KCNMB2: variants seen among roughly 807,000 people sequenced by gnomAD.
The protein encoded by KCNMB2 is potassium calcium-activated channel subfamily M regulatory beta subunit 2.
A neutral mutation model predicts 24.5 loss-of-function variants in KCNMB2; 9 were observed. The observed-to-expected ratio is 0.37, with a 90% CI of 0.22 to 0.64. The LOEUF (loss-of-function observed/expected upper bound fraction) is 0.64, where lower values mean the gene tolerates loss of function less well. Among genes scored for constraint, KCNMB2 ranks in the 30% least tolerant of loss-of-function variants. KCNMB2 has a pLI of 0.63. For missense variants in KCNMB2, 226 were observed against 284.3 expected (o/e 0.79, Z 1.47); for synonymous variants, 109 against 104.4 (o/e 1.04, Z -0.27).
chr3:178,566,190 G>T (rs890278630), intron 1 of KCNMB2, among the ~76,000 whole-genome samples: 4 of 152,106 alleles, frequency 2.6e-5, no homozygotes, highest in African/African-American at 9.7e-5. Context: ...GATCTGCTAA[G>T]GTCTATGGTA....
intron 1 of KCNMB2, among the ~76,000 whole-genome samples, chr3:178,731,722 G>A (rs1723156010): frequency 6.6e-6 from 1 of 152,108 alleles, no homozygotes; most frequent in South Asian, 2.1e-4. Context: ...TGGCCAACAT[G>A]GTGAAACCTT....
intron 1 of KCNMB2, among the ~76,000 whole-genome samples, chr3:178,772,939 C>T (rs973171395): frequency 2.0e-5 from 3 of 152,214 alleles, no homozygotes; most frequent in South Asian, 2.1e-4. Context: ...TCAAAGCTAG[C>T]GGTATTCACC....
rs796507426 is a variant in KCNMB2 at position 178,757,353 on chromosome 3, T to C, written c.-67-49990T>C. 8.3e-4 allele frequency among the ~76,000 whole-genome samples: 45 copies of C among 54,178 alleles called. 4 individuals carry two copies. The highest frequency in any genetic ancestry group is 2.8e-3 in the African/African-American group (28 of 9,896). The allele number at this position is 54,178 out of a possible 152,430, so 35.5% of individuals were successfully genotyped here. A position where few individuals can be genotyped will look rare whatever the true frequency, so the allele number is the denominator to read the frequency against. On this transcript the variant is annotated intron_variant, in intron 1 of 4. Transcript: ENST00000452583. ...ATATGTATATATATCCAAGAGGATA[T>C]ATATATATATATATATATATCCAAG...
chr3:178,792,370 T>C (rs183927601), intron 1 of KCNMB2, among the ~76,000 whole-genome samples: 63 of 152,246 alleles, frequency 4.1e-4, no homozygotes, highest in African/African-American at 1.1e-3. Flanking sequence ...TAAGATGTTA[T>C]TTGCAAGCCT....
At chr3:178,679,650 A>G (rs1241534101) in intron 1 of KCNMB2, among the ~76,000 whole-genome samples, 1 of 152,150 alleles carries the variant, frequency 6.6e-6, no homozygotes, top group East Asian at 1.9e-4. Flanking sequence ...TAGGGGCCAC[A>G]TGCACATTTC....
At chr3:178,806,926 A>T (rs1435732143) in intron 1 of KCNMB2, among the ~76,000 whole-genome samples, 2 of 152,200 alleles carry the variant, frequency 1.3e-5, no homozygotes, top group African/African-American at 4.8e-5. Context: ...ATTTTAAAGA[A>T]AAAAACAGAT....
chr3:178,708,372 T>C (rs1165368048), intron 1 of KCNMB2, among the ~76,000 whole-genome samples: 1 of 152,152 alleles, frequency 6.6e-6, no homozygotes, highest in Non-Finnish European at 1.5e-5. Flanking sequence ...GTGCCTGGCA[T>C]TGGGCTATGC....
At chr3:178,796,695 A>G (rs1713557070) in intron 1 of KCNMB2, among the ~76,000 whole-genome samples, 1 of 152,146 alleles carries the variant, frequency 6.6e-6, no homozygotes, top group Non-Finnish European at 1.5e-5. Context: ...TTAAAATTTT[A>G]TTGAAATAAA....
intron 1 of KCNMB2, among the ~76,000 whole-genome samples, chr3:178,587,893 C>A (rs573859130): frequency 7.4e-6 from 1 of 135,510 alleles, no homozygotes; most frequent in East Asian, 2.4e-4. Context: ...CCCCCCCTCC[C>A]CCCACCCCAC....
chr3:178,811,279 A>T (rs1364753087), intron 2 of KCNMB2, among the ~76,000 whole-genome samples: 2 of 152,248 alleles, frequency 1.3e-5, no homozygotes, highest in Non-Finnish European at 2.9e-5. Context: ...CAAAACAATC[A>T]GAATTTTTGA....
At chr3:178,740,587 T>C (rs1723463645) in intron 1 of KCNMB2, among the ~76,000 whole-genome samples, 2 of 152,222 alleles carry the variant, frequency 1.3e-5, no homozygotes, top group African/African-American at 4.8e-5. Flanking sequence ...AAGCTTAGTA[T>C]GCCATACAAA....
chr3:178,568,606 A>G (rs1483648629), intron 1 of KCNMB2, among the ~76,000 whole-genome samples: 1 of 152,146 alleles, frequency 6.6e-6, no homozygotes, highest in Non-Finnish European at 1.5e-5. Context: ...AAAGCTCTTA[A>G]GAGGAATGGT....
At chr3:178,635,862 G>C (rs1005030757) in intron 1 of KCNMB2, among the ~76,000 whole-genome samples, 1 of 152,074 alleles carries the variant, frequency 6.6e-6, no homozygotes, top group African/African-American at 2.4e-5. Context: ...CAATACTTCA[G>C]TTCTTGTTCA....
At chr3:178,743,762 C>A (rs576823984) in intron 1 of KCNMB2, among the ~76,000 whole-genome samples, 73 of 152,344 alleles carry the variant, frequency 4.8e-4, no homozygotes, top group African/African-American at 1.6e-3. Flanking sequence ...ACTTCTATCT[C>A]TGGAGCTCAT....
At chr3:178,651,722 T>C (rs1720128379) in intron 1 of KCNMB2, among the ~76,000 whole-genome samples, 1 of 151,934 alleles carries the variant, frequency 6.6e-6, no homozygotes, top group Admixed American at 6.6e-5. Flanking sequence ...CCAAAACAGA[T>C]AAATAGAACA....
intron 1 of KCNMB2, among the ~76,000 whole-genome samples, chr3:178,753,512 G>A (rs1269800160): frequency 6.6e-6 from 1 of 152,138 alleles, no homozygotes; most frequent in Non-Finnish European, 1.5e-5. Flanking sequence ...ACTCTTAAGT[G>A]TTCAGTATGC....
intron 1 of KCNMB2, among the ~76,000 whole-genome samples, chr3:178,763,624 CAG>C (rs1464646033): frequency 6.6e-6 from 1 of 152,052 alleles, no homozygotes; most frequent in Non-Finnish European, 1.5e-5. Flanking sequence ...TGAGATGGTG[CAG>C]ATACTAGTGA....
intron 1 of KCNMB2, among the ~76,000 whole-genome samples, chr3:178,703,960 A>T (rs1722193226): frequency 6.6e-6 from 1 of 152,182 alleles, no homozygotes; most frequent in Admixed American, 6.5e-5. Flanking sequence ...TTCAAGAGTC[A>T]GGTCTGTGGT....
chr3:178,547,416 T>A (rs1003545822), intron 1 of KCNMB2, among the ~76,000 whole-genome samples: 3 of 152,202 alleles, frequency 2.0e-5, no homozygotes, highest in African/African-American at 7.2e-5. Flanking sequence ...AAGATAACGC[T>A]ATATTTCTGG....
Sources: gnomAD v4.1 joint callset for allele counts (sites outside exome capture counted in the v4.1 genomes callset) on GRCh38, gnomAD v4.1.1 for gene constraint, MANE v1.5 for transcripts, NCBI Gene and HGNC (gene_info 2026-07-23, HGNC 2026-07-21) for gene names.